The following ZSCAN18 variants were observed in gnomAD, a reference collection of about 807,000 sequenced individuals.
ZSCAN18 encodes zinc finger and SCAN domain containing 18, also known as zinc finger and SCAN domain-containing protein 18.
A neutral mutation model predicts 31.1 loss-of-function variants in ZSCAN18; 16 were observed. The observed-to-expected ratio is 0.51, with a 90% CI of 0.35 to 0.78. The LOEUF (loss-of-function observed/expected upper bound fraction) is 0.78, where lower values mean the gene tolerates loss of function less well. Among genes scored for constraint, ZSCAN18 ranks in the 30% least tolerant of loss-of-function variants. The pLI is 0.01. For missense variants in ZSCAN18, 731 were observed against 697.4 expected (o/e 1.05, Z -0.54); for synonymous variants, 375 against 320.7 (o/e 1.17, Z -1.81).
upstream of ZSCAN18, chr19:58,098,245 CGCCTGCGCACTGG>C (rs2074559676): frequency 1.0e-6 from 1 of 985,504 alleles, no homozygotes; most frequent in East Asian, 1.1e-4. Flanking sequence ...CGGCAAACTG[CGCCTGCGCACTGG>C]GCCTCACCGC....
At chr19:58,093,383 TG>T (rs1340794358) in intron 1 of ZSCAN18, 1 of 152,228 alleles carries the variant, frequency 6.6e-6, no homozygotes, top group Non-Finnish European at 1.5e-5. Context: ...TCCATCTCTG[TG>T]GGGTCCTTTC....
chr19:58,108,635 G>C, intron 1 of ZSCAN18: 2 of 985,586 alleles, frequency 2.0e-6, no homozygotes, highest in Non-Finnish European at 2.4e-6. Context: ...CTGATGAAAT[G>C]AGATTTCGGT....
chr19:58,096,237 G>C (rs1412789530), intron 1 of ZSCAN18, among the ~76,000 whole-genome samples: 1 of 151,932 alleles, frequency 6.6e-6, no homozygotes, highest in African/African-American at 2.4e-5. Context: ...AAACAAAATA[G>C]AGATACCACT....
chr19:58,091,265 C>CAAA (rs5828749), intron 1 of ZSCAN18, among the ~76,000 whole-genome samples: 3 of 116,030 alleles, frequency 2.6e-5, no homozygotes, highest in South Asian at 2.9e-4. Context: ...GACTCTGTCT[C>CAAA]AAAAAAAAAA....
At chr19:58,117,624 A>AGGAGAGGCAGAAG (rs1277670965) in intron 1 of ZSCAN18, among the ~76,000 whole-genome samples, 1 of 151,606 alleles carries the variant, frequency 6.6e-6, no homozygotes, top group African/African-American at 2.4e-5. Flanking sequence ...AAATCTTGTG[A>AGGAGAGGCAGAAG]GGAGAGGCAG....
chr19:58,097,978 G>C, intron 1 of ZSCAN18, 196 bp downstream of exon 1: 6 of 985,404 alleles, frequency 6.1e-6, no homozygotes, highest in South Asian at 4.7e-5. Context: ...CCTCCGGGGG[G>C]ACCCGGCCCC....
At chr19:58,095,069 A>G (rs1016793994) in intron 1 of ZSCAN18, among the ~76,000 whole-genome samples, 1 of 151,976 alleles carries the variant, frequency 6.6e-6, no homozygotes, top group African/African-American at 2.4e-5. Flanking sequence ...ATGAATACAA[A>G]CAAAACAGGT....
intron 2 of ZSCAN18, among the ~76,000 whole-genome samples, chr19:58,089,079 G>A (rs111406019): frequency 0.099 from 14,623 of 148,404 alleles, 924 homozygotes; most frequent in African/African-American, 0.16. Context: ...CGAGGCGGGC[G>A]GATCACGAGG....
upstream of ZSCAN18, among the ~76,000 whole-genome samples, chr19:58,099,205 C>G (rs551992445): frequency 6.6e-6 from 1 of 152,050 alleles, no homozygotes; most frequent in Non-Finnish European, 1.5e-5. Flanking sequence ...CCAACAAACT[C>G]GGGACAAAGA....
rs1339241155 is a variant in ZSCAN18, at chr19:58,085,325, G to A, written c.893C>T (p.Ala298Val). 1 of 1,595,344 alleles carries A rather than the reference G, an allele frequency of 6.3e-7. No individual in the cohort carries two copies. The highest frequency in any genetic ancestry group is 8.5e-7 in the Non-Finnish European group (1 of 1,177,854). ...CGTAGGCAGCTCAGGCAGCACCCCC[G>A]CGGGGGCGGCCTCCTCGCAGGCGCA... ...AGCACEEAAP[A>V]GVLPELPTEA... Residue 298 changes from alanine (A) to valine (V), a missense_variant, in exon 7 of 7, where the codon GCG becomes GTG. By Grantham distance (64) the Ala-to-Val change is moderately conservative. Coordinates refer to ENST00000601144, the MANE Select transcript of ZSCAN18 (RefSeq NM_001145543.2).
At chr19:58,117,788 C>A (rs1211608982) in intron 1 of ZSCAN18, among the ~76,000 whole-genome samples, 1 of 151,222 alleles carries the variant, frequency 6.6e-6, no homozygotes, top group African/African-American at 2.4e-5. Context: ...AAGGGATCCG[C>A]CCCAGTGGGA....
intron 1 of ZSCAN18, among the ~76,000 whole-genome samples, chr19:58,111,940 G>C (rs1193767693): frequency 6.6e-6 from 1 of 152,122 alleles, no homozygotes; most frequent in Non-Finnish European, 1.5e-5. Flanking sequence ...ACAATAACAG[G>C]ATAAAGAAAA....
At position 58,090,715 on chromosome 19, in the gene ZSCAN18, C is replaced by T. The variant is rs966560175; in HGVS notation, c.-119-329G>A. The T allele has an allele frequency of 1.0e-5, 2 of 193,678 alleles. No individual in the cohort carries two copies. The highest frequency in any genetic ancestry group is 2.3e-5 in the African/African-American group (1 of 42,624). 12.0% of individuals were successfully genotyped at this position (193,678 alleles called of 1,614,324 possible). A position where few individuals can be genotyped will look rare whatever the true frequency, so the allele number is the denominator to read the frequency against. On this transcript the variant is annotated intron_variant, in intron 1 of 6. Coordinates refer to ENST00000601144, the MANE Select transcript of ZSCAN18 (RefSeq NM_001145543.2). The surrounding 1 kb of genome is among the most constrained non-coding windows in gnomAD (Gnocchi z 4.7). ...AGCGAGTCTCCTGCCTCAGTCTCTC[C>T]AGTAGCTGGAATTACAAGCATGCAC... is the stretch of plus-strand genomic sequence containing the variant.
upstream of ZSCAN18, among the ~76,000 whole-genome samples, chr19:58,099,762 C>A (rs1002225041): frequency 1.3e-5 from 2 of 151,988 alleles, no homozygotes; most frequent in Non-Finnish European, 2.9e-5. Flanking sequence ...TTGTGTTTTG[C>A]TATTTTTTAT....
chr19:58,086,326 T>C (rs2074279783), intron 5 of ZSCAN18, 60 bp from the exon 6 acceptor site: 2 of 1,518,874 alleles, frequency 1.3e-6, no homozygotes, highest in Non-Finnish European at 1.8e-6. Context: ...CTGATGGGTG[T>C]TGTGTGTCGT....
Position 58,085,288 on chromosome 19 carries a change from AG to A in ZSCAN18, c.929del (p.Pro310LeufsTer119). The A allele has an allele frequency of 6.2e-7, 1 of 1,600,364 alleles. No individual in the cohort carries two copies. ...VLPELPTEAP[P>X]GDALADPPSG... The stretch of plus-strand genomic sequence containing the variant: ...ACGGGGGATCGGCAAGGGCGTCCCC[AG>A]GGGGCGCCTCCGTAGGCAGCTCAGG... On this transcript the variant is annotated frameshift_variant, in exon 7 of 7. Coordinates refer to ENST00000601144, the MANE Select transcript of ZSCAN18 (RefSeq NM_001145543.2). LOFTEE classifies it low-confidence loss of function (END_TRUNC).
At chr19:58,103,965 T>C (rs1324303584) in intron 1 of ZSCAN18, among the ~76,000 whole-genome samples, 2 of 152,218 alleles carry the variant, frequency 1.3e-5, no homozygotes, top group African/African-American at 4.8e-5. Flanking sequence ...ATGGTCTGGA[T>C]AGGAGATCAA....
rs1196732531 is a variant in ZSCAN18 at position 58,095,516 on chromosome 19, C to T, written c.-120+2658G>A. Among the ~76,000 whole-genome samples, 3 of 152,216 alleles carry T rather than the reference C, an allele frequency of 2.0e-5. No homozygotes were observed. In the East Asian group the frequency reaches 5.8e-4, roughly 29 times the overall value. ...AGAGGCCTCCTGCCGGCCCTCCCCT[C>T]TAGCCCTCATGGCCTCCACAGTGGG... is the stretch of plus-strand genomic sequence containing the variant. On this transcript the variant is annotated intron_variant, in intron 1 of 6. Coordinates refer to ENST00000601144, the MANE Select transcript of ZSCAN18 (RefSeq NM_001145543.2).
At chr19:58,088,891 A>G in intron 2 of ZSCAN18, 54 bp from the exon 3 acceptor site, 1 of 1,557,348 alleles carries the variant, frequency 6.4e-7, no homozygotes, top group African/African-American at 1.4e-5. Flanking sequence ...CGTGCCAACA[A>G]CAATCACACA....
Sources: allele counts gnomAD v4.1 joint callset (sites outside exome capture counted in the v4.1 genomes callset), GRCh38; gene constraint gnomAD v4.1.1; non-coding constraint Gnocchi (gnomAD v3.1); transcripts MANE v1.5; gene names NCBI Gene and HGNC (gene_info 2026-07-23, HGNC 2026-07-21).